The following LUZP2 variants were observed in gnomAD, a reference collection of about 807,000 sequenced individuals.
The protein encoded by LUZP2 is leucine zipper protein 2.
LUZP2 carries 52 observed loss-of-function variants against 51.6 expected under a neutral mutation model. The observed-to-expected ratio is 1.01, with a 90% CI of 0.81 to 1.27. LUZP2 has a LOEUF of 1.27. LUZP2 is among the 50% of genes most tolerant of loss of function. The pLI, the probability that LUZP2 is intolerant of heterozygous loss-of-function variation, is 0.00. For missense variants in LUZP2, 436 were observed against 395.4 expected, an observed-to-expected ratio of 1.10 and a Z score of -0.87; for synonymous variants, 154 against 137.3, an observed-to-expected ratio of 1.12 and a Z score of -0.85.
intron 5 of LUZP2, among the ~76,000 whole-genome samples, chr11:24,810,324 C>T (rs961208855): frequency 1.3e-5 from 2 of 151,984 alleles, no homozygotes; most frequent in East Asian, 1.9e-4. Context: ...TAGAATATTG[C>T]CATTTTTGTA....
intron 5 of LUZP2, among the ~76,000 whole-genome samples, chr11:24,882,938 A>G (rs572624428): frequency 2.2e-3 from 314 of 145,988 alleles, no homozygotes; most frequent in African/African-American, 8.5e-3. Flanking sequence ...GAAAGAAAGA[A>G]AGAGAAAGAA....
intron 1 of LUZP2, among the ~76,000 whole-genome samples, chr11:24,629,433 A>G (rs1012308787): frequency 6.7e-6 from 1 of 149,692 alleles, no homozygotes; most frequent in Non-Finnish European, 1.5e-5. Flanking sequence ...GCTGAACAGT[A>G]TTCCATTGCA....
chr11:25,025,756 C>A (rs558250362), intron 9 of LUZP2, among the ~76,000 whole-genome samples: 26 of 152,126 alleles, frequency 1.7e-4, no homozygotes, highest in Non-Finnish European at 2.9e-4. Flanking sequence ...GGATCTAGAA[C>A]TAGAAGTAGC....
intron 1 of LUZP2, among the ~76,000 whole-genome samples, chr11:24,520,194 A>T (rs1590130547): frequency 1.3e-5 from 2 of 152,186 alleles, no homozygotes; most frequent in African/African-American, 2.4e-5. Context: ...AGCTGTCAAG[A>T]AGATGCAATG....
chr11:24,567,011 TATA>T (rs1413608637), intron 1 of LUZP2, among the ~76,000 whole-genome samples: 57 of 107,904 alleles, frequency 5.3e-4, no homozygotes, highest in Non-Finnish European at 9.5e-4. Context: ...TATATATATA[TATA>T]TTTTTTTTAG....
chr11:24,515,106 C>A lies in LUZP2; in HGVS notation c.62+17801C>A, dbSNP rs143822968. Among the ~76,000 whole-genome samples the A allele has an allele frequency of 7.9e-3, 1,197 of 152,266 alleles. 9 individuals are homozygous for A. The highest frequency in any genetic ancestry group is 0.027 in the African/African-American group (1,126 of 41,550). Reference sequence around the variant, plus strand: ...CCCGATTTCAGGGCAGAGTTTAGAACCGGAAAGTTCATAATAACTTCTTGG... The same window carrying A: ...CCCGATTTCAGGGCAGAGTTTAGAAACGGAAAGTTCATAATAACTTCTTGG... On this transcript the variant is annotated intron_variant, in intron 1 of 11. Coordinates refer to ENST00000336930, the MANE Select transcript of LUZP2 (RefSeq NM_001009909.4).
chr11:24,741,712 A>G lies in LUZP2; in HGVS notation c.333+3410A>G, dbSNP rs190972885. On this transcript the variant is annotated intron_variant, in intron 4 of 11. Coordinates refer to ENST00000336930, the MANE Select transcript of LUZP2 (RefSeq NM_001009909.4). ...ACTTCACTTAGAATAATAGTCTCCA[A>G]TCTCATCCAGGTCACTGCAAATGCT... Among the ~76,000 whole-genome samples the G allele has an allele frequency of 1.3e-4, 20 of 150,132 alleles. No individual in the cohort carries two copies. The East Asian group carries it at 3.5e-3, about 26-fold the overall frequency.
At chr11:24,902,142 C>A (rs1037942977) in intron 5 of LUZP2, among the ~76,000 whole-genome samples, 7 of 152,022 alleles carry the variant, frequency 4.6e-5, no homozygotes, top group African/African-American at 1.7e-4. Context: ...ATCAAAACAT[C>A]TAATAATAGT....
chr11:24,622,091 C>T (rs1394466182), intron 1 of LUZP2, among the ~76,000 whole-genome samples: 1 of 151,974 alleles, frequency 6.6e-6, no homozygotes, highest in South Asian at 2.1e-4. Flanking sequence ...CAGGCATGTG[C>T]CACCAGGCCC....
At chr11:25,049,310 A>G (rs1858416593) in intron 9 of LUZP2, among the ~76,000 whole-genome samples, 1 of 152,218 alleles carries the variant, frequency 6.6e-6, no homozygotes, top group South Asian at 2.1e-4. Context: ...AGCTGAGTGA[A>G]ACACCAATAT....
intron 1 of LUZP2, among the ~76,000 whole-genome samples, chr11:24,714,589 G>A (rs1258615421): frequency 6.6e-6 from 1 of 152,104 alleles, no homozygotes; most frequent in Non-Finnish European, 1.5e-5. Flanking sequence ...TCATCAGCAT[G>A]GGCTGAATGC....
chr11:24,566,942 TAA>T (rs374702603), intron 1 of LUZP2, among the ~76,000 whole-genome samples: 2 of 3,082 alleles, frequency 6.5e-4, no homozygotes, highest in Non-Finnish European at 1.3e-3. Flanking sequence ...TATATATACA[TAA>T]ATATATATAT....
chr11:24,855,210 T>G (rs2134232120), intron 5 of LUZP2, among the ~76,000 whole-genome samples: 1 of 152,234 alleles, frequency 6.6e-6, no homozygotes, highest in Admixed American at 6.5e-5. Context: ...TGCTGTGAAA[T>G]TAGACCTAGA....
intron 5 of LUZP2, among the ~76,000 whole-genome samples, chr11:24,859,195 G>A (rs771389196): frequency 1.3e-5 from 2 of 152,136 alleles, no homozygotes; most frequent in African/African-American, 2.4e-5. Context: ...CTTATATTAA[G>A]TCATCTTATT....
At chr11:24,670,656 T>G (rs1166361809) in intron 1 of LUZP2, among the ~76,000 whole-genome samples, 2 of 152,028 alleles carry the variant, frequency 1.3e-5, no homozygotes, top group African/African-American at 4.8e-5. Flanking sequence ...TAATCAGTTT[T>G]GACTTCCAGA....
chr11:24,774,844 T>C (rs1470610848), intron 5 of LUZP2, among the ~76,000 whole-genome samples: 1 of 143,220 alleles, frequency 7.0e-6, no homozygotes, highest in African/African-American at 2.6e-5. Flanking sequence ...TCTATATATA[T>C]GTAGAATATA....
intron 1 of LUZP2, among the ~76,000 whole-genome samples, chr11:24,662,702 A>C (rs1856062280): frequency 6.6e-6 from 1 of 152,124 alleles, no homozygotes; most frequent in Non-Finnish European, 1.5e-5. Flanking sequence ...ATTTGTAGAT[A>C]ACAGGAAACA....
intron 7 of LUZP2, among the ~76,000 whole-genome samples, chr11:24,938,001 C>G (rs1423647258): frequency 6.6e-6 from 1 of 152,134 alleles, no homozygotes; most frequent in African/African-American, 2.4e-5. Flanking sequence ...CTAGATTGCC[C>G]ACCTTTTCTC....
intron 5 of LUZP2, among the ~76,000 whole-genome samples, chr11:24,898,373 C>A (rs1853153712): frequency 6.6e-6 from 1 of 152,122 alleles, no homozygotes; most frequent in African/African-American, 2.4e-5. Flanking sequence ...GCCTATAATT[C>A]TAGCATTTTG....
Sources: gnomAD v4.1 joint callset for allele counts (sites outside exome capture counted in the v4.1 genomes callset) on GRCh38, gnomAD v4.1.1 for gene constraint, MANE v1.5 for transcripts, NCBI Gene and HGNC (gene_info 2026-07-23, HGNC 2026-07-21) for gene names.